DLG2: variants seen among roughly 807,000 people sequenced by gnomAD.
DLG2 encodes discs large MAGUK scaffold protein 2, also known as disks large homolog 2.
In DLG2, 45 loss-of-function variants were observed where a neutral mutation model predicts 132.5. That is an observed-to-expected ratio of 0.34 (90% CI 0.27 to 0.44). The LOEUF (loss-of-function observed/expected upper bound fraction) is 0.44. Among genes scored for constraint, DLG2 ranks in the 20% least tolerant of loss-of-function variants. The pLI is 1.00. For missense variants in DLG2, 1,045 were observed against 1,196.9 expected (o/e 0.87, Z 1.87); for synonymous variants, 424 against 419.6 (o/e 1.01, Z -0.13).
chr11:85,265,790 G>C (rs907259077), intron 4 of DLG2, among the ~76,000 whole-genome samples: 1 of 152,182 alleles, frequency 6.6e-6, no homozygotes, highest in Admixed American at 6.5e-5. Flanking sequence ...ATCAGAGAGA[G>C]GCAACTTGAC....
At chr11:83,671,256 G>A (rs990636161) in intron 18 of DLG2, among the ~76,000 whole-genome samples, 4 of 152,088 alleles carry the variant, frequency 2.6e-5, no homozygotes, top group East Asian at 3.8e-4. Context: ...ATGGCTTTCC[G>A]TTGTGAGCAA....
chr11:84,220,800 T>C (rs1373173634), intron 8 of DLG2, among the ~76,000 whole-genome samples: 2 of 143,858 alleles, frequency 1.4e-5, no homozygotes, highest in Non-Finnish European at 3.0e-5. Flanking sequence ...TTTTTTTTTT[T>C]TGACAGGGTC....
intron 6 of DLG2, among the ~76,000 whole-genome samples, chr11:85,108,611 T>C (rs1418348156): frequency 6.6e-6 from 1 of 152,044 alleles, no homozygotes; most frequent in African/African-American, 2.4e-5. Context: ...CATCATTTTT[T>C]AAATATACCC....
At chr11:83,553,001 A>C (rs758016024) in intron 19 of DLG2, among the ~76,000 whole-genome samples, 8 of 152,102 alleles carry the variant, frequency 5.3e-5, no homozygotes, top group Non-Finnish European at 1.0e-4. Flanking sequence ...ATTTCAGTTG[A>C]TTTATCTGTA....
In DLG2 at chr11:83,484,177, A is replaced by G. The variant is rs775494668; in HGVS notation, c.2245T>C (p.Phe749Leu). ...KSFIFSRKFP[F>L]YKNKEQSEQE... is the part of the protein sequence containing the mutation. ...TCACTCTGCTCCTTGTTCTTGTAGA[A>G]TGGGAATTTTCGTGAAAAGATGAAG... Residue 749 changes from phenylalanine to leucine, a missense_variant, in exon 22 of 28, where the codon TTC (phenylalanine) becomes CTC (leucine). Physicochemically the swap from Phe to Leu is conservative, Grantham distance 22. Transcript: ENST00000376104. 6.2e-7 allele frequency: 1 copy of G among 1,613,484 alleles called. No homozygotes were observed. Among genetic ancestry groups the G allele is most frequent in the East Asian group, 2.2e-5 (1 of 44,860 alleles).
rs1267995059 is a variant in DLG2, at chr11:84,777,297, ATATATATATATAT to A, written c.358-242579_358-242567del. On this transcript the variant is annotated intron_variant, in intron 6 of 27. Coordinates refer to ENST00000376104, the MANE Select transcript of DLG2 (RefSeq NM_001142699.3). ...TGTGTGTGTGTATATATATATATAT[ATATATATATATAT>A]ATATATATATATATACGTTTTCTTT... Among the ~76,000 whole-genome samples the A allele has an allele frequency of 6.0e-4, 70 of 117,110 alleles. 2 individuals carry two copies. Among genetic ancestry groups the A allele is most frequent in the African/African-American group, 2.4e-3 (68 of 27,918 alleles). 76.8% of individuals were successfully genotyped at this position (117,110 alleles called of 152,430 possible).
intron 7 of DLG2, among the ~76,000 whole-genome samples, chr11:84,470,462 A>C (rs1287014864): frequency 6.6e-6 from 1 of 151,732 alleles, no homozygotes; most frequent in East Asian, 1.9e-4. Context: ...ATGGGGAAGA[A>C]TGGCATGTCA....
rs559171413 is a variant in DLG2, at chr11:85,613,061, T to C, written c.-93+13526A>G. On this transcript the variant is annotated intron_variant, in intron 2 of 27. Transcript: ENST00000376104. The stretch of plus-strand genomic sequence containing the variant: ...AGTATGAGATGCTGTCCGGCGTTTA[T>C]AGGAAAAGGCTTCTGAAATCAGAAA... 2.6e-5 allele frequency among the ~76,000 whole-genome samples: 4 copies of C among 152,274 alleles called. No homozygotes were observed. In the East Asian group the frequency reaches 5.8e-4, roughly 22 times the overall value.
At chr11:84,719,855 T>C (rs2061598939) in intron 6 of DLG2, among the ~76,000 whole-genome samples, 1 of 152,152 alleles carries the variant, frequency 6.6e-6, no homozygotes, top group Non-Finnish European at 1.5e-5. Flanking sequence ...TTAAAAAATG[T>C]CAGTTTATCT....
rs116437905 is a variant in DLG2, at chr11:83,732,598, G to A, written c.1825+54092C>T. 2.4e-3 allele frequency among the ~76,000 whole-genome samples: 363 copies of A among 152,292 alleles called. 2 individuals are homozygous for A. The highest frequency in any genetic ancestry group is 8.4e-3 in the African/African-American group (348 of 41,572). ...AAAGAAATTGGTAAGAGCCCAAAGCGTATAAAACCAAGAATTCATTATGCA... is the reference window on the plus strand; with the variant it reads ...AAAGAAATTGGTAAGAGCCCAAAGCATATAAAACCAAGAATTCATTATGCA... On this transcript the variant is annotated intron_variant, in intron 18 of 27. Coordinates refer to ENST00000376104, the MANE Select transcript of DLG2 (RefSeq NM_001142699.3).
At chr11:83,741,309 T>A (rs912440223) in intron 18 of DLG2, among the ~76,000 whole-genome samples, 1 of 151,932 alleles carries the variant, frequency 6.6e-6, no homozygotes, top group Non-Finnish European at 1.5e-5. Context: ...GCCAGGACAA[T>A]CAGGGAAGAG....
chr11:85,063,665 G>A (rs544658462), intron 6 of DLG2, among the ~76,000 whole-genome samples: 111 of 151,840 alleles, frequency 7.3e-4, no homozygotes, highest in African/African-American at 1.8e-3. Flanking sequence ...TCTAACTTGC[G>A]TGCAGCTAAA....
chr11:85,525,948 G>A (rs1311729399), intron 3 of DLG2, among the ~76,000 whole-genome samples: 1 of 152,050 alleles, frequency 6.6e-6, no homozygotes, highest in Non-Finnish European at 1.5e-5. Flanking sequence ...ATGAACGAGA[G>A]GAAACTATCT....
chr11:85,272,735 C>T (rs887737237), intron 4 of DLG2, among the ~76,000 whole-genome samples: 2 of 152,052 alleles, frequency 1.3e-5, no homozygotes, highest in Admixed American at 1.3e-4. Flanking sequence ...TGACTCTTCA[C>T]AGAATTGGAA....
At chr11:84,131,159 A>T (rs1232299835) in intron 9 of DLG2, among the ~76,000 whole-genome samples, 1 of 152,040 alleles carries the variant, frequency 6.6e-6, no homozygotes, top group African/African-American at 2.4e-5. Flanking sequence ...GAAAAAGATG[A>T]AGTTCACATA....
intron 18 of DLG2, among the ~76,000 whole-genome samples, chr11:83,745,506 T>C (rs1267935172): frequency 6.6e-6 from 1 of 152,184 alleles, no homozygotes; most frequent in Admixed American, 6.5e-5. Flanking sequence ...TATACTCAAG[T>C]CTTTCCTTTC....
intron 3 of DLG2, among the ~76,000 whole-genome samples, chr11:85,387,860 G>A (rs116272385): frequency 6.6e-4 from 100 of 152,300 alleles, no homozygotes; most frequent in African/African-American, 2.3e-3. Flanking sequence ...CTACTCAGAG[G>A]AACAGAGCAG....
At chr11:84,418,045 A>G (rs1407400310) in intron 7 of DLG2, among the ~76,000 whole-genome samples, 1 of 152,210 alleles carries the variant, frequency 6.6e-6, no homozygotes, top group Non-Finnish European at 1.5e-5. Flanking sequence ...CAAGTTTCTT[A>G]TAACTAATCT....
intron 9 of DLG2, among the ~76,000 whole-genome samples, chr11:84,108,668 G>A (rs1421135983): frequency 6.6e-6 from 1 of 151,998 alleles, no homozygotes; most frequent in African/African-American, 2.4e-5. Context: ...CAGACACTGG[G>A]GACAGTAAGT....
Sources: allele counts gnomAD v4.1 joint callset (sites outside exome capture counted in the v4.1 genomes callset), GRCh38; gene constraint gnomAD v4.1.1; transcripts MANE v1.5; gene names NCBI Gene and HGNC (gene_info 2026-07-23, HGNC 2026-07-21).